The following UBAC2 variants were observed in gnomAD, a reference collection of about 807,000 sequenced individuals.
The protein encoded by UBAC2 is ubiquitin-associated domain-containing protein 2.
A neutral mutation model predicts 44.0 loss-of-function variants in UBAC2; 26 were observed. The ratio of observed to expected loss-of-function variants is 0.59; its 90% CI spans 0.43 to 0.82. The LOEUF is 0.82. Ranked by LOEUF, UBAC2 falls within the 40% of genes least tolerant of loss-of-function variation. UBAC2 has a pLI of 0.00. For missense variants in UBAC2, 329 were observed against 419.4 expected (o/e 0.78, Z 1.88); for synonymous variants, 155 against 154.3 (o/e 1.00, Z -0.04).
rs182752164 is a variant in UBAC2, at chr13:99,380,878, C to T, written c.928-4350C>T. ...CTCCTGTCACACTTGTCTTCTCACCCATAAAAATCACTTAAAGCTCTGAAG... is the reference window on the plus strand; with the variant it reads ...CTCCTGTCACACTTGTCTTCTCACCTATAAAAATCACTTAAAGCTCTGAAG... On this transcript the variant is annotated intron_variant, in intron 8 of 8. Transcript: ENST00000403766. 5.9e-5 allele frequency among the ~76,000 whole-genome samples: 9 copies of T among 152,332 alleles called. No individual in the cohort carries two copies. In the East Asian group the frequency reaches 1.5e-3, roughly 26 times the overall value.
chr13:99,237,755 G>T (rs1298377375), intron 1 of UBAC2, among the ~76,000 whole-genome samples: 1 of 152,228 alleles, frequency 6.6e-6, no homozygotes, highest in Non-Finnish European at 1.5e-5. Flanking sequence ...AGGAGTTTGA[G>T]ACCAGTCTGG....
chr13:99,268,048 A>G (rs1401831967), intron 4 of UBAC2, among the ~76,000 whole-genome samples: 1 of 152,186 alleles, frequency 6.6e-6, no homozygotes, highest in Non-Finnish European at 1.5e-5. Context: ...AAGAAGGGGC[A>G]TGCAGGAGGA....
intron 1 of UBAC2, among the ~76,000 whole-genome samples, chr13:99,230,111 C>G (rs1280708055): frequency 6.6e-6 from 1 of 152,184 alleles, no homozygotes; most frequent in East Asian, 1.9e-4. Context: ...ACATGATAAT[C>G]ACTATTTTAG....
At chr13:99,255,117 G>T (rs757646007) in intron 4 of UBAC2, 6 of 1,614,126 alleles carry the variant, frequency 3.7e-6, no homozygotes, top group Non-Finnish European at 5.1e-6. Context: ...TCAGGAAAGC[G>T]AAACAGATGT....
chr13:99,355,503 CTGGGCTG>C (rs1331278331), intron 7 of UBAC2, among the ~76,000 whole-genome samples: 1 of 152,232 alleles, frequency 6.6e-6, no homozygotes, highest in African/African-American at 2.4e-5. Flanking sequence ...TGACCTGCAG[CTGGGCTG>C]TGGGCTGTGG....
rs145561760 is a variant in UBAC2 at position 99,385,864 on chromosome 13, A to G, written c.*529A>G. On this transcript the variant is annotated 3_prime_UTR_variant, in exon 9 of 9. Coordinates refer to ENST00000403766, the MANE Select transcript of UBAC2 (RefSeq NM_001144072.2). ...CCTCCCCCAAGCTGTTCCAGGCCAG[A>G]GGACTCTGCAGTACCTTCTCCTACA... 1.3e-3 allele frequency: 209 copies of G among 158,836 alleles called. No individual in the cohort carries two copies. Among genetic ancestry groups the G allele is most frequent in the Non-Finnish European group, 2.3e-3 (161 of 71,178 alleles). The allele number at this position is 158,836 out of a possible 1,614,324, so 9.8% of individuals were successfully genotyped here.
chr13:99,255,941 C>T (rs766408007), intron 4 of UBAC2: 21 of 1,408,616 alleles, frequency 1.5e-5, no homozygotes, highest in East Asian at 9.6e-5. Flanking sequence ...AGAATAAAAT[C>T]GTTGGTTAAA....
intron 4 of UBAC2, among the ~76,000 whole-genome samples, chr13:99,260,844 AG>A (rs755273048): frequency 2.2e-4 from 34 of 152,208 alleles, no homozygotes; most frequent in Admixed American, 1.3e-3. Context: ...ACTTATTCCC[AG>A]AGACTGCAAG....
chr13:99,372,927 G>A (rs1261235363), intron 8 of UBAC2, among the ~76,000 whole-genome samples: 2 of 152,068 alleles, frequency 1.3e-5, no homozygotes, highest in Non-Finnish European at 2.9e-5. Flanking sequence ...ATCCCGGCTA[G>A]CATGGTGAAA....
At chr13:99,360,964 G>A (rs112077589) in intron 7 of UBAC2, among the ~76,000 whole-genome samples, 6 of 152,268 alleles carry the variant, frequency 3.9e-5, no homozygotes, top group African/African-American at 1.2e-4. Context: ...TCAGCCACCC[G>A]TGAGCTCTTC....
intron 4 of UBAC2, among the ~76,000 whole-genome samples, chr13:99,285,437 G>C (rs1470575235): frequency 6.6e-6 from 1 of 151,162 alleles, no homozygotes; most frequent in East Asian, 1.9e-4. Flanking sequence ...CTGTCACCCA[G>C]GCTGGAGTGC....
intron 4 of UBAC2, among the ~76,000 whole-genome samples, chr13:99,267,579 A>G (rs988038299): frequency 6.6e-6 from 1 of 152,176 alleles, no homozygotes; most frequent in Non-Finnish European, 1.5e-5. Context: ...GAAGGAAGAA[A>G]CTAGCTCTGT....
At chr13:99,356,189 A>T (rs768295811) in intron 7 of UBAC2, 1 of 534,560 alleles carries the variant, frequency 1.9e-6, no homozygotes, top group African/African-American at 1.9e-5. Context: ...GCTGTGCTGG[A>T]GCTTCCCGAT....
intron 1 of UBAC2, among the ~76,000 whole-genome samples, chr13:99,231,196 G>T (rs1300996672): frequency 6.6e-6 from 1 of 152,140 alleles, no homozygotes; most frequent in Non-Finnish European, 1.5e-5. Flanking sequence ...AGGTTCTGGG[G>T]ATTAGGACGT....
chr13:99,339,893 C>T (rs2044857803), intron 6 of UBAC2, among the ~76,000 whole-genome samples: 1 of 152,302 alleles, frequency 6.6e-6, no homozygotes, highest in Non-Finnish European at 1.5e-5. Context: ...GATCGTGTGA[C>T]TGGGTCAGCT....
intron 1 of UBAC2, among the ~76,000 whole-genome samples, chr13:99,228,876 C>T (rs1219005094): frequency 6.6e-6 from 1 of 152,126 alleles, no homozygotes; most frequent in Non-Finnish European, 1.5e-5. Context: ...AAGACCTTAC[C>T]AGAGAGGAAA....
chr13:99,364,833 A>G (rs913871072), intron 7 of UBAC2, among the ~76,000 whole-genome samples: 5 of 152,252 alleles, frequency 3.3e-5, no homozygotes, highest in Non-Finnish European at 7.3e-5. Flanking sequence ...TGAATGCACC[A>G]TAACTTACCC....
chr13:99,252,939 A>G (rs2043477018), intron 4 of UBAC2, among the ~76,000 whole-genome samples: 1 of 151,958 alleles, frequency 6.6e-6, no homozygotes, highest in African/African-American at 2.4e-5. Context: ...GAACTTTTCC[A>G]TCTAATAAAT....
chr13:99,334,275 C>T (rs148092521), intron 6 of UBAC2, among the ~76,000 whole-genome samples: 2 of 152,078 alleles, frequency 1.3e-5, no homozygotes, highest in Non-Finnish European at 2.9e-5. Flanking sequence ...TATTGTTGAG[C>T]TTTTAAGGTA....
Sources: gnomAD v4.1 joint callset for allele counts (sites outside exome capture counted in the v4.1 genomes callset) on GRCh38, gnomAD v4.1.1 for gene constraint, MANE v1.5 for transcripts, NCBI Gene and HGNC (gene_info 2026-07-23, HGNC 2026-07-21) for gene names.